Variants in CFAP77 observed in about 807,000 individuals in gnomAD.
CFAP77 encodes cilia and flagella associated protein 77, also known as cilia- and flagella-associated protein 77.
A neutral mutation model predicts 31.1 loss-of-function variants in CFAP77; 25 were observed. That is an observed-to-expected ratio of 0.80 (90% CI 0.59 to 1.12). The LOEUF (loss-of-function observed/expected upper bound fraction) is 1.12. Ranked by LOEUF, CFAP77 falls within the 50% of genes most tolerant of loss-of-function variation. The pLI, the probability that CFAP77 is intolerant of heterozygous loss-of-function variation, is 0.00. For missense variants in CFAP77, 377 were observed against 397.3 expected, an observed-to-expected ratio of 0.95 and a Z score of 0.44; for synonymous variants, 151 against 159.9, an observed-to-expected ratio of 0.94 and a Z score of 0.42.
At chr9:132,458,354 G>GGGGT (rs796314540) in intron 1 of CFAP77, among the ~76,000 whole-genome samples, 3 of 143,894 alleles carry the variant, frequency 2.1e-5, no homozygotes, top group Non-Finnish European at 3.0e-5. Flanking sequence ...GGGGAGGGGG[G>GGGGT]GGGGTGTGTA....
intron 3 of CFAP77, among the ~76,000 whole-genome samples, chr9:132,531,633 G>C (rs144742971): frequency 2.1e-5 from 3 of 145,438 alleles, no homozygotes; most frequent in Admixed American, 1.4e-4. Context: ...CATGGGGGGG[G>C]GGGCATGGAA....
Position 132,475,167 on chromosome 9 carries a change from C to T in CFAP77, c.196-23528C>T, listed in dbSNP as rs116773836. On this transcript the variant is annotated intron_variant, in intron 1 of 5. Transcript: ENST00000393216. ...ATTAACCGAGCCTGAGGTCTTCCAG[C>T]GAGAAGAAACTGCATTTTAAACTTT... Among the ~76,000 whole-genome samples, 423 of 152,276 alleles carry T rather than the reference C, an allele frequency of 2.8e-3. 1 individual carries two copies. The highest frequency in any genetic ancestry group is 9.3e-3 in the African/African-American group (386 of 41,544).
chr9:132,485,575 T>A (rs891079244), intron 1 of CFAP77, among the ~76,000 whole-genome samples: 21 of 152,120 alleles, frequency 1.4e-4, no homozygotes, highest in Non-Finnish European at 3.1e-4. Context: ...GTTATGAAAA[T>A]GAGTTTGCCT....
At position 132,461,619 on chromosome 9, in the gene CFAP77, T is replaced by C. The variant is rs889257676; in HGVS notation, c.196-37076T>C. On this transcript the variant is annotated intron_variant, in intron 1 of 5. Coordinates refer to ENST00000393216, the MANE Select transcript of CFAP77 (RefSeq NM_001282957.2). ...GCAAAGAGCGACCGAGGATTTATTC[T>C]ACCGGGACGGCCAAGGGAAGACTGC... Among the ~76,000 whole-genome samples, 7 of 152,212 alleles carry C rather than the reference T, an allele frequency of 4.6e-5. No individual in the cohort carries two copies. In the South Asian group the frequency reaches 6.2e-4, roughly 14 times the overall value.
chr9:132,457,266 CTAGGAACTGACAGGCGGCCG>C (rs991826254), intron 1 of CFAP77, among the ~76,000 whole-genome samples: 32 of 125,014 alleles, frequency 2.6e-4, no homozygotes, highest in Non-Finnish European at 3.9e-4. Context: ...ACTCAGAGCC[CTAGGAACTGACAGGCGGCCG>C]CATCTTAAGA....
At chr9:132,567,207 G>C (rs964655952) in intron 5 of CFAP77, among the ~76,000 whole-genome samples, 1 of 152,198 alleles carries the variant, frequency 6.6e-6, no homozygotes, top group African/African-American at 2.4e-5. Flanking sequence ...TGTGTGGTTA[G>C]TCATTGGGAG....
chr9:132,558,750 C>T (rs999261438), intron 5 of CFAP77, among the ~76,000 whole-genome samples: 1 of 148,640 alleles, frequency 6.7e-6, no homozygotes, highest in Non-Finnish European at 1.5e-5. Flanking sequence ...CGGTGGCTCA[C>T]GTCTGTAATC....
intron 1 of CFAP77, among the ~76,000 whole-genome samples, chr9:132,453,951 A>G (rs2131717062): frequency 6.6e-6 from 1 of 152,326 alleles, no homozygotes; most frequent in Middle Eastern, 3.4e-3. Context: ...GTGTATTTGC[A>G]CCAAAGCATA....
chr9:132,421,108 A>G (rs1157561787), intron 1 of CFAP77, among the ~76,000 whole-genome samples: 1 of 149,572 alleles, frequency 6.7e-6, no homozygotes, highest in Admixed American at 6.8e-5. Flanking sequence ...CCTGGGTTCA[A>G]GTGAATCTCC....
chr9:132,459,617 A>G (rs915403530), intron 1 of CFAP77, among the ~76,000 whole-genome samples: 1 of 148,186 alleles, frequency 6.7e-6, no homozygotes, highest in Non-Finnish European at 1.5e-5. Context: ...ATGTGTGTGT[A>G]TGTATATGTG....
chr9:132,413,258 C>T (rs187721547), intron 1 of CFAP77, among the ~76,000 whole-genome samples: 45 of 152,246 alleles, frequency 3.0e-4, no homozygotes, highest in Non-Finnish European at 1.2e-4. Flanking sequence ...TTCAAGAACA[C>T]GTCTGCAAGT....
intron 1 of CFAP77, among the ~76,000 whole-genome samples, chr9:132,486,639 C>T (rs954857378): frequency 6.6e-6 from 1 of 152,264 alleles, no homozygotes; most frequent in Admixed American, 6.5e-5. Flanking sequence ...GCGCGTTTCC[C>T]CCTCATTCCC....
At chr9:132,566,251 A>G (rs1829882670) in intron 5 of CFAP77, among the ~76,000 whole-genome samples, 1 of 152,158 alleles carries the variant, frequency 6.6e-6, no homozygotes, top group African/African-American at 2.4e-5. Context: ...TGAGCATTTA[A>G]TAAGAGGCAA....
chr9:132,471,464 C>T (rs1431185223), intron 1 of CFAP77, among the ~76,000 whole-genome samples: 2 of 151,888 alleles, frequency 1.3e-5, no homozygotes, highest in African/African-American at 4.8e-5. Flanking sequence ...CCGTTGCCCA[C>T]ACACACACAT....
intron 1 of CFAP77, among the ~76,000 whole-genome samples, chr9:132,485,368 T>C (rs189579867): frequency 9.8e-5 from 15 of 152,306 alleles, no homozygotes; most frequent in Admixed American, 6.5e-4. Context: ...GGTTAAGCAT[T>C]ATAACTTGCC....
intron 5 of CFAP77, among the ~76,000 whole-genome samples, chr9:132,561,794 GA>G (rs1201902469): frequency 6.6e-6 from 1 of 152,150 alleles, no homozygotes; most frequent in Non-Finnish European, 1.5e-5. Flanking sequence ...GTGGCTGCCT[GA>G]ACCCCCCACC....
chr9:132,523,677 C>T (rs1852309183), intron 3 of CFAP77, among the ~76,000 whole-genome samples: 1 of 152,250 alleles, frequency 6.6e-6, no homozygotes, highest in East Asian at 1.9e-4. Flanking sequence ...TGACTTCTTT[C>T]CCGGTCCCTT....
chr9:132,512,378 T>A (rs550971595), intron 3 of CFAP77, among the ~76,000 whole-genome samples: 11 of 152,332 alleles, frequency 7.2e-5, no homozygotes, highest in African/African-American at 2.6e-4. Flanking sequence ...TGCAAAGACC[T>A]CTTTTCCAAA....
intron 5 of CFAP77, among the ~76,000 whole-genome samples, chr9:132,556,616 G>A (rs944531838): frequency 6.6e-6 from 1 of 152,168 alleles, no homozygotes; most frequent in African/African-American, 2.4e-5. Context: ...GGAGAGGGGG[G>A]TGGCAGCTTG....
Sources: gnomAD v4.1 joint callset for allele counts (sites outside exome capture counted in the v4.1 genomes callset) on GRCh38, gnomAD v4.1.1 for gene constraint, MANE v1.5 for transcripts, NCBI Gene and HGNC (gene_info 2026-07-23, HGNC 2026-07-21) for gene names.